Variants in CDK12 observed in about 807,000 individuals in gnomAD.
The protein encoded by CDK12 is cyclin-dependent kinase 12.
CDK12 carries 17 observed loss-of-function variants against 133.8 expected under a neutral mutation model. The observed-to-expected ratio is 0.13, with a 90% CI of 0.09 to 0.19. The LOEUF (loss-of-function observed/expected upper bound fraction) is 0.19. CDK12 is among the 10% of genes least tolerant of loss of function. The pLI, the probability that CDK12 is intolerant of heterozygous loss-of-function variation, is 1.00. For synonymous variants in CDK12, 694 were observed against 683.6 expected (o/e 1.02, Z -0.24); for missense variants, 1,508 against 1,818.7 (o/e 0.83, Z 3.11).
intron 11 of CDK12, among the ~76,000 whole-genome samples, chr17:39,522,101 G>T (rs1310797750): frequency 6.6e-6 from 1 of 151,680 alleles, no homozygotes; most frequent in Non-Finnish European, 1.5e-5. Context: ...CAGTTTTTTG[G>T]GGTTTTTTTT....
In CDK12 at chr17:39,526,078, C is replaced by T. The variant is rs139095098; in HGVS notation, c.3522C>T (p.Ala1174=). Residue 1174 remains alanine (A), a synonymous_variant, in exon 13 of 14, where the codon GCC becomes GCT. Transcript: ENST00000447079. The part of the protein sequence containing the change: ...TSQQQDSETM[A]PEESLKEAPS... ...AGCAGCAGGACTCAGAGACCATGGCCCCAGAGGAGTCTTTGAAGGAAGCAC... is the reference window on the plus strand; with the variant it reads ...AGCAGCAGGACTCAGAGACCATGGCTCCAGAGGAGTCTTTGAAGGAAGCAC... 7.7e-4 allele frequency: 1,249 copies of T among 1,614,174 alleles called. 1 individual carries two copies. The highest frequency in any genetic ancestry group is 1.0e-3 in the Non-Finnish European group (1,193 of 1,180,026).
intron 1 of CDK12, among the ~76,000 whole-genome samples, chr17:39,463,946 T>C (rs1343412014): frequency 2.6e-5 from 4 of 152,122 alleles, no homozygotes; most frequent in African/African-American, 9.7e-5. Context: ...CTCACTTCTG[T>C]TCACAAAAAC....
chr17:39,502,825 CAT>C (rs1395314011), intron 6 of CDK12, among the ~76,000 whole-genome samples: 1 of 152,040 alleles, frequency 6.6e-6, no homozygotes, highest in Non-Finnish European at 1.5e-5. Context: ...ATGAAAATAA[CAT>C]GTTATGTCTG....
At chr17:39,478,907 A>ATG (rs2050416451) in intron 2 of CDK12, among the ~76,000 whole-genome samples, 2 of 151,786 alleles carry the variant, frequency 1.3e-5, no homozygotes, top group South Asian at 2.1e-4. Flanking sequence ...TCTATTTTGT[A>ATG]TGTGTGTGTG....
chr17:39,487,671 C>T (rs906871350), intron 2 of CDK12, among the ~76,000 whole-genome samples: 1 of 136,424 alleles, frequency 7.3e-6, no homozygotes, highest in African/African-American at 2.8e-5. Flanking sequence ...GGCTGGAGTG[C>T]AGTGGCACGA....
At chr17:39,515,279 C>T (rs1013041834) in intron 8 of CDK12, among the ~76,000 whole-genome samples, 2 of 152,156 alleles carry the variant, frequency 1.3e-5, no homozygotes, top group African/African-American at 2.4e-5. Context: ...ATTTGAAATA[C>T]AGTGCCAAGA....
intron 9 of CDK12, 123 bp from the exon 10 acceptor site, chr17:39,517,317 C>G: frequency 3.0e-6 from 2 of 665,834 alleles, no homozygotes; most frequent in Middle Eastern, 5.1e-4. Context: ...TCTGCATGCC[C>G]TGTAATGTAA....
rs1011227313 is a variant in CDK12 at position 39,531,353 on chromosome 17, A to G, written c.*37A>G. On this transcript the variant is annotated 3_prime_UTR_variant, in exon 14 of 14. Coordinates refer to ENST00000447079, the MANE Select transcript of CDK12 (RefSeq NM_016507.4). ...CAGTGTCCTGAAAGATTCCTTTCCT[A>G]TCCATCCTTCCATCCAGTTCTCTGA... 2 of 1,409,144 alleles carry G rather than the reference A, an allele frequency of 1.4e-6. No individual in the cohort carries two copies. Among genetic ancestry groups the G allele is most frequent in the African/African-American group, 2.9e-5 (2 of 68,844 alleles). 87.3% of individuals were successfully genotyped at this position (1,409,144 alleles called of 1,614,324 possible). A position where few individuals can be genotyped will look rare whatever the true frequency, so the allele number is the denominator to read the frequency against.
intron 2 of CDK12, among the ~76,000 whole-genome samples, chr17:39,472,485 C>T (rs1276357681): frequency 2.0e-5 from 3 of 151,004 alleles, no homozygotes; most frequent in Non-Finnish European, 4.4e-5. Flanking sequence ...ACCAGGCTGG[C>T]CAACATGGTG....
intron 11 of CDK12, among the ~76,000 whole-genome samples, chr17:39,521,140 T>C (rs1322016312): frequency 6.6e-6 from 1 of 151,758 alleles, no homozygotes; most frequent in Non-Finnish European, 1.5e-5. Flanking sequence ...CCACAGTGCC[T>C]GGCCATTTTT....
At chr17:39,466,426 C>G (rs2049313611) in intron 1 of CDK12, among the ~76,000 whole-genome samples, 1 of 150,098 alleles carries the variant, frequency 6.7e-6, no homozygotes, top group African/African-American at 2.4e-5. Flanking sequence ...ACCAGCCTGA[C>G]CAACATGGAG....
intron 2 of CDK12, among the ~76,000 whole-genome samples, chr17:39,479,774 T>C (rs1172261865): frequency 2.0e-5 from 3 of 151,780 alleles, no homozygotes; most frequent in Non-Finnish European, 2.9e-5. Flanking sequence ...CTATAGGTGC[T>C]CACCACCATG....
intron 13 of CDK12, among the ~76,000 whole-genome samples, chr17:39,527,024 C>G (rs2054536989): frequency 6.6e-6 from 1 of 152,140 alleles, no homozygotes; most frequent in African/African-American, 2.4e-5. Flanking sequence ...GAGGGAAAAG[C>G]AGTTTAAGTT....
At chr17:39,501,116 C>A in intron 5 of CDK12, 134 bp from the exon 6 acceptor site, 1 of 561,392 alleles carries the variant, frequency 1.8e-6, no homozygotes. Context: ...GTTTCAGTTT[C>A]TTCATCTGTA....
chr17:39,475,340 G>A (rs1463712872), intron 2 of CDK12, among the ~76,000 whole-genome samples: 3 of 151,894 alleles, frequency 2.0e-5, no homozygotes, highest in Non-Finnish European at 4.4e-5. Context: ...GGATGTGGTG[G>A]CAGGTACCTT....
upstream of CDK12, among the ~76,000 whole-genome samples, chr17:39,545,063 C>G (rs2055618828): frequency 6.6e-6 from 1 of 152,150 alleles, no homozygotes; most frequent in Non-Finnish European, 1.5e-5. Flanking sequence ...AGCAGGTAAC[C>G]CCCTTTCTTG....
intron 9 of CDK12, among the ~76,000 whole-genome samples, chr17:39,516,469 AC>A (rs1352763709): frequency 1.3e-4 from 20 of 148,516 alleles, no homozygotes; most frequent in Non-Finnish European, 2.4e-4. Context: ...TGATCCTCCC[AC>A]CTTACCCTCC....
intron 13 of CDK12, among the ~76,000 whole-genome samples, chr17:39,528,903 C>T (rs1227536936): frequency 6.6e-6 from 1 of 152,206 alleles, no homozygotes; most frequent in East Asian, 1.9e-4. Flanking sequence ...CAGTGATGTC[C>T]TTATATAGAG....
chr17:39,513,336 A>C (rs368394283), intron 8 of CDK12, among the ~76,000 whole-genome samples: 73 of 152,298 alleles, frequency 4.8e-4, no homozygotes, highest in African/African-American at 1.7e-3. Context: ...TATTAATGTC[A>C]GTCTTTAAGA....
Sources: gnomAD v4.1 joint callset for allele counts (sites outside exome capture counted in the v4.1 genomes callset) on GRCh38, gnomAD v4.1.1 for gene constraint, MANE v1.5 for transcripts, NCBI Gene and HGNC (gene_info 2026-07-23, HGNC 2026-07-21) for gene names.